The following RBMS3 variants were observed in gnomAD, a reference collection of about 807,000 sequenced individuals.
The protein encoded by RBMS3 is RNA binding motif single stranded interacting protein 3.
Under a neutral mutation model 66.8 loss-of-function variants are expected in RBMS3, and 27 were observed. That is an observed-to-expected ratio of 0.40 (90% CI 0.30 to 0.56). The LOEUF is 0.56. Ranked by LOEUF, RBMS3 falls within the 20% of genes least tolerant of loss-of-function variation. The pLI is 0.40. For missense variants in RBMS3, 513 were observed against 549.5 expected (o/e 0.93, Z 0.66); for synonymous variants, 188 against 183.0 (o/e 1.03, Z -0.22).
At chr3:29,342,640 A>T (rs2036342304) in intron 1 of RBMS3, among the ~76,000 whole-genome samples, 1 of 152,112 alleles carries the variant, frequency 6.6e-6, no homozygotes, top group Admixed American at 6.6e-5. Flanking sequence ...GTGGGTAGGG[A>T]TTTATTTCCA....
chr3:29,359,832 G>C (rs373659494), intron 1 of RBMS3, among the ~76,000 whole-genome samples: 1 of 152,050 alleles, frequency 6.6e-6, no homozygotes, highest in Admixed American at 6.6e-5. Flanking sequence ...GTTTATTTGC[G>C]TAGAGGTGTT....
intron 2 of RBMS3, among the ~76,000 whole-genome samples, chr3:29,458,706 G>C (rs544269637): frequency 1.2e-4 from 19 of 152,110 alleles, no homozygotes; most frequent in Non-Finnish European, 2.8e-4. Context: ...AGGGCCAACT[G>C]TACAGAAAAA....
intron 3 of RBMS3, among the ~76,000 whole-genome samples, chr3:29,524,736 G>A (rs1208329896): frequency 2.6e-5 from 4 of 151,860 alleles, no homozygotes; most frequent in Non-Finnish European, 4.4e-5. Flanking sequence ...GAGCCATCAC[G>A]ACCAGCCTAC....
chr3:29,887,978 G>A (rs2059911922), intron 8 of RBMS3, among the ~76,000 whole-genome samples: 1 of 151,724 alleles, frequency 6.6e-6, no homozygotes, highest in African/African-American at 2.4e-5. Context: ...AAGGCAGTGA[G>A]GACAGCCTAG....
intron 12 of RBMS3, 93 bp downstream of exon 12, chr3:29,944,347 A>C: frequency 2.5e-5 from 27 of 1,097,218 alleles, no homozygotes; most frequent in Non-Finnish European, 3.6e-5. Flanking sequence ...AGTGATTCTC[A>C]ACAGAGGTGG....
chr3:29,788,299 C>T (rs752833966), intron 6 of RBMS3, among the ~76,000 whole-genome samples: 1 of 151,002 alleles, frequency 6.6e-6, no homozygotes, highest in Non-Finnish European at 1.5e-5. Context: ...CAGCTTGGCT[C>T]ACTGCAACCT....
At chr3:29,843,381 T>G (rs2058707877) in intron 6 of RBMS3, among the ~76,000 whole-genome samples, 1 of 152,196 alleles carries the variant, frequency 6.6e-6, no homozygotes, top group African/African-American at 2.4e-5. Flanking sequence ...AGATAAGCAA[T>G]GCAGGATTTC....
At chr3:29,786,422 T>A (rs2056821290) in intron 6 of RBMS3, among the ~76,000 whole-genome samples, 2 of 152,126 alleles carry the variant, frequency 1.3e-5, no homozygotes, top group Non-Finnish European at 2.9e-5. Context: ...TCTGGAGGCA[T>A]CACATTAGGT....
chr3:29,580,679 TAATATA>T (rs1175818353), intron 3 of RBMS3, among the ~76,000 whole-genome samples: 8 of 134,120 alleles, frequency 6.0e-5, no homozygotes, highest in African/African-American at 2.5e-4. Context: ...GTAAATTTAA[TAATATA>T]ATAATAATAA....
At chr3:29,612,977 C>A (rs751060270) in intron 4 of RBMS3, among the ~76,000 whole-genome samples, 7 of 152,088 alleles carry the variant, frequency 4.6e-5, no homozygotes, top group Non-Finnish European at 1.0e-4. Flanking sequence ...TTGGATCAAG[C>A]TTAGCTTATT....
chr3:29,484,939 ACT>A (rs1474128727), intron 2 of RBMS3, among the ~76,000 whole-genome samples: 10 of 152,038 alleles, frequency 6.6e-5, no homozygotes, highest in African/African-American at 2.4e-4. Context: ...GACTGCGGAG[ACT>A]CTATTTTCAG....
At chr3:29,734,927 C>T (rs1470221771) in intron 4 of RBMS3, among the ~76,000 whole-genome samples, 1 of 151,980 alleles carries the variant, frequency 6.6e-6, no homozygotes. Context: ...AGTTCACACT[C>T]CAGGTAGCTT....
intron 14 of RBMS3, among the ~76,000 whole-genome samples, chr3:29,999,220 G>A (rs1324799280): frequency 6.6e-6 from 1 of 151,962 alleles, no homozygotes; most frequent in Non-Finnish European, 1.5e-5. Flanking sequence ...GAGATATCAT[G>A]TTACACCAGT....
At chr3:29,837,870 A>T (rs2058565091) in intron 6 of RBMS3, among the ~76,000 whole-genome samples, 1 of 151,220 alleles carries the variant, frequency 6.6e-6, no homozygotes, top group Non-Finnish European at 1.5e-5. Context: ...TAAACACAGA[A>T]AAATGCTACA....
At chr3:29,528,536 T>A (rs530950757) in intron 3 of RBMS3, among the ~76,000 whole-genome samples, 105 of 152,312 alleles carry the variant, frequency 6.9e-4, no homozygotes, top group Non-Finnish European at 1.2e-3. Flanking sequence ...CAGATGTTGG[T>A]CACTTAGAAT....
At chr3:29,904,301 T>C (rs1343478922) in intron 10 of RBMS3, among the ~76,000 whole-genome samples, 2 of 152,034 alleles carry the variant, frequency 1.3e-5, no homozygotes, top group East Asian at 3.9e-4. Context: ...GAAATACACA[T>C]TGTAAACAAA....
At chr3:29,364,215 G>A (rs1018532706) in intron 1 of RBMS3, among the ~76,000 whole-genome samples, 1 of 152,022 alleles carries the variant, frequency 6.6e-6, no homozygotes, top group East Asian at 1.9e-4. Flanking sequence ...GCAAAACAAT[G>A]CATATAGAGT....
intron 3 of RBMS3, among the ~76,000 whole-genome samples, chr3:29,562,275 A>G (rs2046584983): frequency 6.6e-6 from 1 of 152,070 alleles, no homozygotes; most frequent in Admixed American, 6.6e-5. Context: ...GGCAGCCCCT[A>G]CTCAGTGATA....
At chr3:29,307,783 A>G (rs1157117269) in intron 1 of RBMS3, among the ~76,000 whole-genome samples, 2 of 152,040 alleles carry the variant, frequency 1.3e-5, no homozygotes, top group African/African-American at 4.8e-5. Context: ...AGCCTTTGTA[A>G]ATTAATTGCT....
Sources: allele counts gnomAD v4.1 joint callset (sites outside exome capture counted in the v4.1 genomes callset), GRCh38; gene constraint gnomAD v4.1.1; transcripts MANE v1.5; gene names NCBI Gene and HGNC (gene_info 2026-07-23, HGNC 2026-07-21).